Variants in CACNA1C observed in about 807,000 individuals in gnomAD.
CACNA1C encodes calcium voltage-gated channel subunit alpha1 C.
In CACNA1C, 30 loss-of-function variants were observed where a neutral mutation model predicts 229.0. The ratio of observed to expected loss-of-function variants is 0.13; its 90% CI spans 0.10 to 0.18. The LOEUF is 0.18. Among genes scored for constraint, CACNA1C ranks in the 10% least tolerant of loss-of-function variants. CACNA1C has a pLI of 1.00. For synonymous variants in CACNA1C, 1,114 were observed against 1,132.5 expected, an observed-to-expected ratio of 0.98 and a Z score of 0.33; for missense variants, 1,658 against 2,845.0, an observed-to-expected ratio of 0.58 and a Z score of 9.49.
At position 2,107,397 on chromosome 12, in the gene CACNA1C, GCCA is replaced by G. The variant is rs1278583097; in HGVS notation, c.50-7825_50-7823del. Among the ~76,000 whole-genome samples the G allele has an allele frequency of 3.2e-4, 7 of 21,660 alleles. 1 individual carries two copies. Among genetic ancestry groups the G allele is most frequent in the African/African-American group, 1.3e-3 (7 of 5,524 alleles). The allele number at this position is 21,660 out of a possible 152,430, so 14.2% of individuals were successfully genotyped here. ...TTCCACCTCAGCTGGGCGTCCTGAAGCCACTGGGTGCTCACCCTGGAGAGGGTT... is the reference window on the plus strand; with the variant it reads ...TTCCACCTCAGCTGGGCGTCCTGAAGCTGGGTGCTCACCCTGGAGAGGGTT... On this transcript the variant is annotated intron_variant, in intron 1 of 46. Transcript: ENST00000399655.
intron 3 of CACNA1C, among the ~76,000 whole-genome samples, chr12:2,191,350 G>T (rs868360084): frequency 6.6e-6 from 1 of 152,102 alleles, no homozygotes; most frequent in Non-Finnish European, 1.5e-5. Context: ...GTCTGTCTCC[G>T]CACATCTTCC....
At chr12:2,250,205 C>G (rs2075096764) in intron 3 of CACNA1C, among the ~76,000 whole-genome samples, 1 of 152,222 alleles carries the variant, frequency 6.6e-6, no homozygotes, top group Non-Finnish European at 1.5e-5. Flanking sequence ...CAGTCAGTAT[C>G]TGCGGAGTTC....
chr12:2,575,042 G>C lies in CACNA1C; in HGVS notation c.1896-6548G>C, dbSNP rs1568519471. ...CCCCGTGGCCCAGAAGCTCAGAGAA[G>C]CATGCTGCTAAGGCCATCCCCAGGT... On this transcript the variant is annotated intron_variant, in intron 13 of 46. Transcript: ENST00000399655. The surrounding 1 kb of genome is among the most constrained non-coding windows in gnomAD (Gnocchi z 4.0). 6.6e-6 allele frequency among the ~76,000 whole-genome samples: 1 copy of C among 152,224 alleles called. No homozygotes were observed. The highest frequency in any genetic ancestry group is 1.5e-5 in the Non-Finnish European group (1 of 68,044).
chr12:2,152,312 C>T lies in CACNA1C; in HGVS notation c.477+31882C>T, dbSNP rs1019165174. ...ATGAAGAACTACAGTTCTCATCCTC[C>T]CTTGTGGCTAAGTGAGGTTTTGTGA... On this transcript the variant is annotated intron_variant, in intron 3 of 46. Coordinates refer to ENST00000399655, the MANE Select transcript of CACNA1C (RefSeq NM_000719.7). The surrounding 1 kb of genome is among the most constrained non-coding windows in gnomAD (Gnocchi z 4.2). Among the ~76,000 whole-genome samples the T allele has an allele frequency of 4.6e-5, 7 of 152,214 alleles. No individual in the cohort carries two copies. Among genetic ancestry groups the T allele is most frequent in the African/African-American group, 1.7e-4 (7 of 41,460 alleles).
chr12:2,004,662 G>A, intron 1 of CACNA1C: 1 of 573,504 alleles, frequency 1.7e-6, no homozygotes, highest in South Asian at 2.3e-5. Context: ...ACAAGCCCAG[G>A]CCTGCCCTCT....
At position 2,063,776 on chromosome 12, in the gene CACNA1C, C is replaced by T. The variant is rs367958190; in HGVS notation, c.49+10165C>T. Among the ~76,000 whole-genome samples, 8 of 152,324 alleles carry T rather than the reference C, an allele frequency of 5.3e-5. No homozygotes were observed. In the East Asian group the frequency reaches 9.6e-4, roughly 18 times the overall value. The stretch of plus-strand genomic sequence containing the variant: ...CATTGAAAGCACACGCCACATTTTG[C>T]TTATCCATTCTTCTGTTGATGGACA... On this transcript the variant is annotated intron_variant, in intron 1 of 46. Transcript: ENST00000399655.
chr12:2,358,244 C>G (rs868310446), intron 3 of CACNA1C, among the ~76,000 whole-genome samples: 1 of 136,610 alleles, frequency 7.3e-6, no homozygotes, highest in East Asian at 2.3e-4. Flanking sequence ...AAAGAAGCGG[C>G]GTCCTCCTGT....
intron 3 of CACNA1C, among the ~76,000 whole-genome samples, chr12:2,423,024 C>T (rs2098993959): frequency 2.6e-5 from 4 of 152,258 alleles, no homozygotes; most frequent in African/African-American, 7.2e-5. Flanking sequence ...CGTCCTCCAT[C>T]GAGGATTAGC....
intron 3 of CACNA1C, among the ~76,000 whole-genome samples, chr12:2,195,591 G>T (rs1054142828): frequency 4.6e-5 from 7 of 152,190 alleles, no homozygotes; most frequent in African/African-American, 1.7e-4. Context: ...CAAACTGAAT[G>T]GGGGTTAGGA....
intron 3 of CACNA1C, among the ~76,000 whole-genome samples, chr12:2,182,155 A>T (rs887891743): frequency 2.5e-4 from 34 of 136,688 alleles, no homozygotes; most frequent in African/African-American, 9.7e-4. Context: ...AAAAAAAAAA[A>T]TGACGGTACC....
intron 3 of CACNA1C, among the ~76,000 whole-genome samples, chr12:2,300,172 AC>A (rs1370504906): frequency 3.3e-5 from 5 of 152,392 alleles, no homozygotes; most frequent in African/African-American, 1.2e-4. Flanking sequence ...GTAAGATCAC[AC>A]AGGTAATCCT....
At chr12:2,302,779 A>C (rs1167520676) in intron 3 of CACNA1C, among the ~76,000 whole-genome samples, 1 of 152,254 alleles carries the variant, frequency 6.6e-6, no homozygotes, top group African/African-American at 2.4e-5. Context: ...TAAACTATTC[A>C]GTAAATATTC....
intron 34 of CACNA1C, among the ~76,000 whole-genome samples, chr12:2,658,927 G>C (rs1399634057): frequency 6.6e-6 from 1 of 151,886 alleles, no homozygotes; most frequent in Non-Finnish European, 1.5e-5. Context: ...CTGCACAGCT[G>C]TACAATGTGT....
intron 13 of CACNA1C, among the ~76,000 whole-genome samples, chr12:2,570,419 T>C (rs935758595): frequency 2.0e-5 from 3 of 150,920 alleles, no homozygotes; most frequent in Non-Finnish European, 4.4e-5. Context: ...TCCGGGGAGG[T>C]AGACATTTAA....
intron 1 of CACNA1C, among the ~76,000 whole-genome samples, chr12:1,995,783 C>T (rs553698933): frequency 2.0e-5 from 3 of 152,338 alleles, no homozygotes; most frequent in Non-Finnish European, 2.9e-5. Context: ...AAACCCTCAT[C>T]GGTTCCTCTT....
chr12:2,610,476 G>T, intron 27 of CACNA1C, 65 bp from the exon 28 acceptor site: 1 of 1,526,274 alleles, frequency 6.6e-7, no homozygotes, highest in Non-Finnish European at 9.0e-7. Flanking sequence ...ACACTTCTCT[G>T]CCAGCTCCCC....
intron 3 of CACNA1C, among the ~76,000 whole-genome samples, chr12:2,233,782 C>T (rs962638532): frequency 7.9e-5 from 12 of 152,176 alleles, no homozygotes; most frequent in South Asian, 6.2e-4. Context: ...CTTCCCTCTC[C>T]TATGGGGTTG....
At chr12:2,634,477 CCTT>C (rs761193940) in intron 30 of CACNA1C, 97 bp downstream of exon 30, 15 of 478,872 alleles carry the variant, frequency 3.1e-5, no homozygotes, top group South Asian at 2.5e-4. Flanking sequence ...TCTCTCCCCA[CCTT>C]CTTATTTTTT....
Position 2,102,824 on chromosome 12 carries a change from AAC to A in CACNA1C, c.50-12394_50-12393del, listed in dbSNP as rs1167531898. Among the ~76,000 whole-genome samples the A allele has an allele frequency of 2.6e-5, 4 of 152,162 alleles. No individual in the cohort carries two copies. In the East Asian group the frequency reaches 7.7e-4, roughly 29 times the overall value. On this transcript the variant is annotated intron_variant, in intron 1 of 46. Coordinates refer to ENST00000399655, the MANE Select transcript of CACNA1C (RefSeq NM_000719.7). ...GTTCAACTGGCCACGTATGAGTGAG[AAC>A]ACACAGTGTTTGGTTTTCTGTTCTT...
Sources: gnomAD v4.1 joint callset for allele counts (sites outside exome capture counted in the v4.1 genomes callset) on GRCh38, gnomAD v4.1.1 for gene constraint, Gnocchi (gnomAD v3.1) non-coding constraint, MANE v1.5 for transcripts, NCBI Gene and HGNC (gene_info 2026-07-23, HGNC 2026-07-21) for gene names.